CLEC2D: variants seen among roughly 807,000 people sequenced by gnomAD.
CLEC2D encodes C-type lectin related f.
In CLEC2D, 16 loss-of-function variants were observed where a neutral mutation model predicts 20.0. The observed-to-expected ratio is 0.80, with a 90% CI of 0.54 to 1.22. CLEC2D has a LOEUF of 1.22. Ranked by LOEUF, CLEC2D falls within the 50% of genes most tolerant of loss-of-function variation. The pLI, the probability that CLEC2D is intolerant of heterozygous loss-of-function variation, is 0.00. For synonymous variants in CLEC2D, 77 were observed against 71.1 expected (o/e 1.08, Z -0.42); for missense variants, 207 against 221.5 (o/e 0.93, Z 0.42).
chr12:9,679,670 G>A (rs1002819416), intron 1 of CLEC2D, among the ~76,000 whole-genome samples: 1 of 152,100 alleles, frequency 6.6e-6, no homozygotes, highest in African/African-American at 2.4e-5. Flanking sequence ...CAGTATTTCT[G>A]TCAACTTAAA....
intron 4 of CLEC2D, chr12:9,693,534 T>G (rs1168554135): frequency 5.4e-6 from 1 of 185,026 alleles, no homozygotes; most frequent in Non-Finnish European, 1.1e-5. Context: ...TTGTAATACA[T>G]TCATCAATAT....
chr12:9,685,682 A>G (rs1164543860), intron 2 of CLEC2D, among the ~76,000 whole-genome samples: 1 of 152,188 alleles, frequency 6.6e-6, no homozygotes, highest in Non-Finnish European at 1.5e-5. Context: ...CTCAAGCCTC[A>G]GTAATGGCGG....
Position 9,693,227 on chromosome 12 carries a change from C to T in CLEC2D, c.461+296C>T, listed in dbSNP as rs1865905496. ...TTAAGTCTGTTCCTTACCTCCACAA[C>T]AAAATTAAATTGCACTTGTCCTCCT... On this transcript the variant is annotated intron_variant, in intron 4 of 4. Transcript: ENST00000290855. 5.3e-6 allele frequency: 4 copies of T among 749,516 alleles called. No individual in the cohort carries two copies. In the South Asian group the frequency reaches 7.1e-5, roughly 13 times the overall value. The allele number at this position is 749,516 out of a possible 1,614,324, so 46.4% of individuals were successfully genotyped here. A position where few individuals can be genotyped will look rare whatever the true frequency, so the allele number is the denominator to read the frequency against.
intron 4 of CLEC2D, chr12:9,693,640 A>G: frequency 4.4e-6 from 1 of 225,260 alleles, no homozygotes; most frequent in Non-Finnish European, 9.0e-6. Context: ...CTTGGATGGG[A>G]TGGTAAGTTT....
chr12:9,683,979 T>C (rs752812874), intron 2 of CLEC2D, among the ~76,000 whole-genome samples: 1 of 152,240 alleles, frequency 6.6e-6, no homozygotes, highest in Non-Finnish European at 1.5e-5. Flanking sequence ...ATGACTATTT[T>C]CATAATATTG....
In CLEC2D at chr12:9,687,976, C is replaced by G. The variant is rs1194053406; in HGVS notation, c.247C>G (p.Gln83Glu). The change falls in exon 3 of 5, where the codon CAA (glutamine) becomes GAA (glutamate). Residue 83 changes from glutamine (Q) to glutamate (E), a missense_variant. Transcript: ENST00000290855. ...ATGCCCAGAAAGCTGGATTGGTTTT[C>G]AAAGAAAGTGTTTCTATTTTTCTGA... ...AACPESWIGF[Q>E]RKCFYFSDDT... is the part of the protein sequence containing the mutation. 6.2e-7 allele frequency: 1 copy of G among 1,612,318 alleles called. No homozygotes were observed. The highest frequency in any genetic ancestry group is 8.5e-7 in the Non-Finnish European group (1 of 1,179,228).
intron 1 of CLEC2D, among the ~76,000 whole-genome samples, chr12:9,676,100 C>G (rs1591689576): frequency 6.6e-6 from 1 of 152,254 alleles, no homozygotes; most frequent in East Asian, 1.9e-4. Flanking sequence ...AGTTTTATTT[C>G]TTACTTTCTC....
Position 9,695,825 on chromosome 12 carries a change from G to GTA in CLEC2D, c.*951_*952insTA. The GTA allele has an allele frequency of 8.3e-7, 1 of 1,200,074 alleles. No homozygotes were observed. Among genetic ancestry groups the GTA allele is most frequent in the African/African-American group, 1.5e-5 (1 of 66,708 alleles). The allele number at this position is 1,200,074 out of a possible 1,614,324, so 74.3% of individuals were successfully genotyped here. On this transcript the variant is annotated 3_prime_UTR_variant, in exon 5 of 5. Coordinates refer to ENST00000290855, the MANE Select transcript of CLEC2D (RefSeq NM_013269.6). ...GGAAAGCAGTCTGCCCCTGGAGGTG[G>GTA]GCAGAAAAAAGTAAAACTTGCTGCT...
intron 1 of CLEC2D, among the ~76,000 whole-genome samples, 198 bp downstream of exon 1, chr12:9,669,993 G>A (rs1224397614): frequency 1.3e-5 from 2 of 151,854 alleles, no homozygotes; most frequent in Non-Finnish European, 2.9e-5. Context: ...CAACTAAGGA[G>A]AGGGAACAAT....
intron 2 of CLEC2D, among the ~76,000 whole-genome samples, chr12:9,687,648 G>C (rs1216212317): frequency 6.6e-6 from 1 of 152,186 alleles, no homozygotes; most frequent in Non-Finnish European, 1.5e-5. Flanking sequence ...ACATGGCCCA[G>C]AGCAAGCTTA....
In CLEC2D at chr12:9,693,007, C is replaced by A. The variant is rs778334177; in HGVS notation, c.461+76C>A. The A allele has an allele frequency of 3.1e-6, 5 of 1,603,922 alleles. No individual in the cohort carries two copies. The South Asian group carries it at 5.5e-5, about 18-fold the overall frequency. On this transcript the variant is annotated intron_variant, in intron 4 of 4. Transcript: ENST00000290855. The stretch of plus-strand genomic sequence containing the variant: ...TTAAATCTGAAGTGTTCTCTAGTTA[C>A]ATGCTTTAAAAAATTCTCATTTTAA...
chr12:9,696,864 C>T lies in CLEC2D; in HGVS notation c.*1990C>T, dbSNP rs1240741423. The T allele has an allele frequency of 1.3e-5, 2 of 152,074 alleles. No individual in the cohort carries two copies. The highest frequency in any genetic ancestry group is 4.8e-5 in the African/African-American group (2 of 41,410). 9.4% of individuals were successfully genotyped at this position (152,074 alleles called of 1,614,324 possible). ...GCCAGCAATCCCTTTTCCAGATATA[C>T]ACCCAAAGGAAATGAAATCACCACC... On this transcript the variant is annotated 3_prime_UTR_variant, in exon 5 of 5. Transcript: ENST00000290855.
At chr12:9,684,137 A>T (rs146162979) in intron 2 of CLEC2D, among the ~76,000 whole-genome samples, 4 of 152,128 alleles carry the variant, frequency 2.6e-5, no homozygotes, top group African/African-American at 9.7e-5. Context: ...CTTAGTAGCA[A>T]TTGTGAATGG....
chr12:9,672,685 C>T (rs1336616696), intron 1 of CLEC2D, among the ~76,000 whole-genome samples: 1 of 152,134 alleles, frequency 6.6e-6, no homozygotes, highest in East Asian at 1.9e-4. Flanking sequence ...CTCCCTGTCT[C>T]TTTCAGGTAC....
At chr12:9,677,385 G>A (rs1215217712) in intron 1 of CLEC2D, among the ~76,000 whole-genome samples, 2 of 151,980 alleles carry the variant, frequency 1.3e-5, no homozygotes, top group Non-Finnish European at 2.9e-5. Context: ...GTTTAGAAAC[G>A]TATTGTTTAA....
At chr12:9,679,106 C>T (rs1865581884) in intron 1 of CLEC2D, among the ~76,000 whole-genome samples, 1 of 151,974 alleles carries the variant, frequency 6.6e-6, no homozygotes, top group Non-Finnish European at 1.5e-5. Context: ...ATTTTATTTA[C>T]ATGTAAGAAT....
chr12:9,683,319 TTTGTTTTTTGTGTTTG>T (rs1865676398), intron 2 of CLEC2D, among the ~76,000 whole-genome samples: 1 of 30,800 alleles, frequency 3.2e-5, no homozygotes, highest in Non-Finnish European at 8.0e-5. Flanking sequence ...CTGATGATAG[TTTGTTTTTTGTGTTTG>T]TTTTTTTTTT....
intron 3 of CLEC2D, among the ~76,000 whole-genome samples, chr12:9,691,316 T>TA (rs1340814314): frequency 2.6e-5 from 4 of 152,130 alleles, no homozygotes; most frequent in Non-Finnish European, 5.9e-5. Flanking sequence ...TATGAAAAGT[T>TA]AGAGAATGAA....
intron 4 of CLEC2D, chr12:9,693,170 C>T (rs1478374107): frequency 7.9e-7 from 1 of 1,271,246 alleles, no homozygotes; most frequent in Non-Finnish European, 1.1e-6. Flanking sequence ...CATTTTCAAA[C>T]ACTTTCATTT....
Sources: gnomAD v4.1 joint callset for allele counts (sites outside exome capture counted in the v4.1 genomes callset) on GRCh38, gnomAD v4.1.1 for gene constraint, MANE v1.5 for transcripts, NCBI Gene and HGNC (gene_info 2026-07-23, HGNC 2026-07-21) for gene names.